CD82: variants seen among roughly 807,000 people sequenced by gnomAD.
CD82 encodes CD82 molecule, also known as CD82 antigen.
In CD82, 36 loss-of-function variants were observed where a neutral mutation model predicts 37.4. That is an observed-to-expected ratio of 0.96 (90% CI 0.74 to 1.27). The LOEUF (loss-of-function observed/expected upper bound fraction) is 1.27. Ranked by LOEUF, CD82 falls within the 50% of genes most tolerant of loss-of-function variation. The probability of loss-of-function intolerance (pLI) is 0.00; values close to 1 mark genes in which losing one functional copy is unlikely to be tolerated. For synonymous variants in CD82, 158 were observed against 137.4 expected, an observed-to-expected ratio of 1.15 and a Z score of -1.05; for missense variants, 340 against 347.0, an observed-to-expected ratio of 0.98 and a Z score of 0.16.
intron 1 of CD82, among the ~76,000 whole-genome samples, chr11:44,571,829 C>A (rs1852818814): frequency 1.3e-5 from 2 of 152,188 alleles, no homozygotes; most frequent in Non-Finnish European, 2.9e-5. Context: ...CCAGCCTTGG[C>A]CTCCCAAAGG....
chr11:44,616,592 T>C (rs1853567915), intron 7 of CD82, among the ~76,000 whole-genome samples: 1 of 152,196 alleles, frequency 6.6e-6, no homozygotes, highest in Admixed American at 6.5e-5. Flanking sequence ...CCTGGAGTGC[T>C]AACACTGCCA....
chr11:44,570,162 C>T (rs1430984207), intron 1 of CD82, among the ~76,000 whole-genome samples: 1 of 152,220 alleles, frequency 6.6e-6, no homozygotes, highest in Non-Finnish European at 1.5e-5. Context: ...CTCTCTGGCT[C>T]TTCCTGGGGG....
chr11:44,565,403 T>A (rs905853514), upstream of CD82, among the ~76,000 whole-genome samples: 6 of 149,450 alleles, frequency 4.0e-5, no homozygotes, highest in African/African-American at 1.5e-4. Flanking sequence ...CAGTGTAACC[T>A]GGGGGCGGGG....
intron 6 of CD82, among the ~76,000 whole-genome samples, chr11:44,610,249 G>A (rs1208984703): frequency 6.6e-6 from 1 of 152,216 alleles, no homozygotes; most frequent in Non-Finnish European, 1.5e-5. Flanking sequence ...CTTCGAGAGA[G>A]GGATTTGATT....
chr11:44,619,111 G>A lies in CD82; in HGVS notation c.789G>A (p.Lys263=), dbSNP rs1259131014. The change falls in exon 10 of 10, where the codon AAG becomes AAA. Residue 263 remains lysine (K), a synonymous_variant. Transcript: ENST00000227155. ...CRHVHSEDYS[K]VPKY is the part of the protein sequence containing the mutation. ...ACGTCCATTCCGAAGACTACAGCAA[G>A]GTCCCCAAGTACTGAGGCAGCTGCT... 6.2e-7 allele frequency: 1 copy of A among 1,613,680 alleles called. No homozygotes were observed. Among genetic ancestry groups the A allele is most frequent in the Middle Eastern group, 1.7e-4 (1 of 6,060 alleles).
At chr11:44,580,573 C>T (rs762254884) in intron 1 of CD82, among the ~76,000 whole-genome samples, 17 of 152,058 alleles carry the variant, frequency 1.1e-4, no homozygotes, top group Non-Finnish European at 1.9e-4. Context: ...ATTAGCCAGA[C>T]GTGGTGGTGT....
Position 44,618,296 on chromosome 11 carries a change from C to T in CD82, c.573C>T (p.Gly191=). Residue 191 remains glycine (G), a synonymous_variant, in exon 8 of 10, where the codon GGC becomes GGT. Coordinates refer to ENST00000227155, the MANE Select transcript of CD82 (RefSeq NM_002231.4). The part of the protein sequence containing the change: ...EEDNSLSVRK[G]FCEAPGNRTQ... ...ACAACAGCCTTTCTGTGAGGAAGGG[C>T]TTCTGCGAGGCCCCCGGCAACAGGA... The T allele has an allele frequency of 6.2e-7, 1 of 1,613,926 alleles. No individual in the cohort carries two copies. Among genetic ancestry groups the T allele is most frequent in the South Asian group, 1.1e-5 (1 of 91,078 alleles).
At chr11:44,614,434 A>T (rs1284973368) in intron 6 of CD82, among the ~76,000 whole-genome samples, 1 of 152,170 alleles carries the variant, frequency 6.6e-6, no homozygotes, top group Non-Finnish European at 1.5e-5. Flanking sequence ...CATGGTGGTT[A>T]GGTGTGCATT....
intron 3 of CD82, chr11:44,595,100 C>T: frequency 4.2e-6 from 1 of 239,914 alleles, no homozygotes; most frequent in South Asian, 6.1e-5. Flanking sequence ...CCACCCTGCC[C>T]ATGTGAAGAA....
At position 44,618,370 on chromosome 11, in the gene CD82, G is replaced by GT. The variant is rs746683036; in HGVS notation, c.642+5_642+6insT. Reference sequence around the variant, plus strand: ...GACTGGCCTGTGTACCAGGAGGTGTGCGGGGGGCTGCGGATCGGGGGCGGG... The same window carrying GT: ...GACTGGCCTGTGTACCAGGAGGTGTGTCGGGGGGCTGCGGATCGGGGGCGGG... On this transcript the variant is annotated splice_donor_region_variant and intron_variant, in intron 8 of 9. Transcript: ENST00000227155. 5.0e-6 allele frequency: 8 copies of GT among 1,610,768 alleles called. No individual in the cohort carries two copies. In the African/African-American group the frequency reaches 6.7e-5, roughly 13 times the overall value.
intron 1 of CD82, among the ~76,000 whole-genome samples, chr11:44,573,774 G>A (rs1324538827): frequency 6.6e-6 from 1 of 152,196 alleles, no homozygotes; most frequent in Non-Finnish European, 1.5e-5. Flanking sequence ...CCTACAGCTT[G>A]GGGTTCTAGC....
chr11:44,618,885 G>C (rs991701933), intron 9 of CD82, among the ~76,000 whole-genome samples, 162 bp downstream of exon 9: 4 of 152,174 alleles, frequency 2.6e-5, no homozygotes, highest in African/African-American at 9.7e-5. Flanking sequence ...CCTCAGACAA[G>C]GCACTGCCCC....
At chr11:44,587,189 C>T in intron 1 of CD82, 1 of 344,610 alleles carries the variant, frequency 2.9e-6, no homozygotes, top group Non-Finnish European at 5.8e-6. Context: ...GGATGTCAGC[C>T]TTCTGAGCCA....
At chr11:44,600,994 G>T (rs2134666946) in intron 4 of CD82, among the ~76,000 whole-genome samples, 1 of 152,310 alleles carries the variant, frequency 6.6e-6, no homozygotes, top group Admixed American at 6.5e-5. Flanking sequence ...GAAGGAAAGG[G>T]GCCTAAGGCA....
intron 1 of CD82, among the ~76,000 whole-genome samples, chr11:44,570,726 C>T (rs897044114): frequency 2.7e-5 from 4 of 149,846 alleles, no homozygotes. Context: ...GCCTTTATTA[C>T]CCTCCTGAGA....
In CD82 at chr11:44,597,839, G is replaced by A. The variant is rs538837545; in HGVS notation, c.64-2319G>A. ...CTGTGCTGTGGGGTGGTTGTGGGCT[G>A]GGTAGGGTTGCAGGTCTTGGGGAAC... On this transcript the variant is annotated intron_variant, in intron 3 of 9. Transcript: ENST00000227155. This position sits in a 1 kb window ranked among gnomAD's most constrained non-coding sequence, Gnocchi z 4.1. Among the ~76,000 whole-genome samples the A allele has an allele frequency of 1.4e-4, 22 of 152,064 alleles. No individual in the cohort carries two copies. The highest frequency in any genetic ancestry group is 3.2e-4 in the Non-Finnish European group (22 of 68,008).
chr11:44,591,334 T>C (rs1565086304), intron 2 of CD82, among the ~76,000 whole-genome samples: 1 of 152,178 alleles, frequency 6.6e-6, no homozygotes, highest in Non-Finnish European at 1.5e-5. Flanking sequence ...TGTAGAGGGC[T>C]GAAGAGCTTA....
rs1314010565 is a variant in CD82, at chr11:44,605,495, G to A, written c.336+66G>A. On this transcript the variant is annotated intron_variant, in intron 6 of 9. Coordinates refer to ENST00000227155, the MANE Select transcript of CD82 (RefSeq NM_002231.4). The stretch of plus-strand genomic sequence containing the variant: ...ACCATGGGGGTGATTGACTGAGTGT[G>A]GGGGATGGACAAGGAACCCCCCCAG... The A allele has an allele frequency of 9.5e-6, 14 of 1,478,076 alleles. 1 individual carries two copies. The African/African-American group carries it at 1.1e-4, about 12-fold the overall frequency. The allele number at this position is 1,478,076 out of a possible 1,614,324, so 91.6% of individuals were successfully genotyped here.
At chr11:44,616,093 G>A (rs1853560214) in intron 7 of CD82, among the ~76,000 whole-genome samples, 1 of 152,168 alleles carries the variant, frequency 6.6e-6, no homozygotes. Context: ...AATCCTGTGA[G>A]GGCGCAGGAC....
Sources: gnomAD v4.1 joint callset for allele counts (sites outside exome capture counted in the v4.1 genomes callset) on GRCh38, gnomAD v4.1.1 for gene constraint, Gnocchi (gnomAD v3.1) non-coding constraint, MANE v1.5 for transcripts, NCBI Gene and HGNC (gene_info 2026-07-23, HGNC 2026-07-21) for gene names.